The following NAALADL2 variants were observed in gnomAD, a reference collection of about 807,000 sequenced individuals.
The protein encoded by NAALADL2 is N-acetylated alpha-linked acidic dipeptidase like 2, also known as inactive N-acetylated-alpha-linked acidic dipeptidase-like protein 2.
Under a neutral mutation model 87.2 loss-of-function variants are expected in NAALADL2, and 76 were observed. The ratio of observed to expected loss-of-function variants is 0.87; its 90% CI spans 0.72 to 1.05. NAALADL2 has a LOEUF of 1.05. Ranked by LOEUF, NAALADL2 falls within the 50% of genes least tolerant of loss-of-function variation. The pLI, the probability that NAALADL2 is intolerant of heterozygous loss-of-function variation, is 0.00. For missense variants in NAALADL2, 1,089 were observed against 945.8 expected (o/e 1.15, Z -1.99); for synonymous variants, 354 against 331.0 (o/e 1.07, Z -0.75).
intron 11 of NAALADL2, among the ~76,000 whole-genome samples, chr3:175,725,349 C>G (rs557269916): frequency 8.3e-4 from 126 of 152,122 alleles, no homozygotes; most frequent in African/African-American, 2.8e-3. Context: ...TTTGTCACAC[C>G]ACAGCCATGA....
chr3:175,767,339 C>T (rs994024428), intron 13 of NAALADL2, among the ~76,000 whole-genome samples: 1 of 152,082 alleles, frequency 6.6e-6, no homozygotes, highest in Non-Finnish European at 1.5e-5. Context: ...AAATTTAATA[C>T]ATGATTTAAT....
At chr3:175,241,137 C>T (rs1400325748) in intron 3 of NAALADL2, among the ~76,000 whole-genome samples, 1 of 152,024 alleles carries the variant, frequency 6.6e-6, no homozygotes, top group Non-Finnish European at 1.5e-5. Context: ...CCAGTGTGAC[C>T]TTCTGTTTCT....
At chr3:175,174,321 A>G (rs1295231397) in intron 2 of NAALADL2, among the ~76,000 whole-genome samples, 1 of 152,144 alleles carries the variant, frequency 6.6e-6, no homozygotes, top group Non-Finnish European at 1.5e-5. Flanking sequence ...TTTATATGCC[A>G]AAATTGTTGT....
At chr3:174,806,926 G>A in intron 3 of NAALADL2, among the ~76,000 whole-genome samples, 1 of 152,050 alleles carries the variant, frequency 6.6e-6, no homozygotes, top group Admixed American at 6.6e-5. Flanking sequence ...AAACAAGGCA[G>A]GAGAAACATC....
intron 5 of NAALADL2, among the ~76,000 whole-genome samples, chr3:175,376,262 A>C (rs1003755667): frequency 6.6e-5 from 10 of 152,188 alleles, no homozygotes; most frequent in Non-Finnish European, 1.0e-4. Context: ...ACCCTAAAGA[A>C]CTTATTTTAA....
At chr3:175,002,416 A>G (rs1748378694) in intron 1 of NAALADL2, among the ~76,000 whole-genome samples, 1 of 152,160 alleles carries the variant, frequency 6.6e-6, no homozygotes. Flanking sequence ...TGATGAAGAG[A>G]AGTTAATGAA....
At chr3:175,088,157 T>C (rs1719413258) in intron 1 of NAALADL2, among the ~76,000 whole-genome samples, 1 of 152,216 alleles carries the variant, frequency 6.6e-6, no homozygotes. Context: ...GGTAGTATTT[T>C]GGGTTAAATT....
rs923514215 is a variant in NAALADL2 at position 174,774,860 on chromosome 3, C to T, written c.-9+37114C>T. ...AGCCTTGGCTTTTCACTTTGCCCAA[C>T]CTCAGGTTAAAACCTTATGATTACA... On this transcript the variant is annotated intron_variant, in intron 3 of 3. Transcript: ENST00000434257. 2.6e-5 allele frequency among the ~76,000 whole-genome samples: 4 copies of T among 152,138 alleles called. No homozygotes were observed. In the East Asian group the frequency reaches 7.7e-4, roughly 29 times the overall value.
At chr3:175,800,711 T>C (rs910942424) in intron 13 of NAALADL2, among the ~76,000 whole-genome samples, 2 of 152,126 alleles carry the variant, frequency 1.3e-5, no homozygotes, top group Admixed American at 1.3e-4. Context: ...TTCCCAGCAC[T>C]GAACTAAGCC....
At chr3:174,642,185 AATT>A (rs1001117464) in intron 2 of NAALADL2, among the ~76,000 whole-genome samples, 2 of 152,036 alleles carry the variant, frequency 1.3e-5, no homozygotes, top group Admixed American at 1.3e-4. Flanking sequence ...TTTTCAATAA[AATT>A]AATTATTGTA....
intron 5 of NAALADL2, among the ~76,000 whole-genome samples, chr3:175,358,372 G>A (rs540957059): frequency 6.6e-6 from 1 of 151,934 alleles, no homozygotes; most frequent in East Asian, 1.9e-4. Context: ...AATGATTACT[G>A]CCTTAGGAGT....
At chr3:174,630,519 A>G (rs1722006725) in intron 2 of NAALADL2, among the ~76,000 whole-genome samples, 1 of 152,216 alleles carries the variant, frequency 6.6e-6, no homozygotes, top group African/African-American at 2.4e-5. Flanking sequence ...GTGGAATAAA[A>G]TGTTCAAACA....
chr3:174,557,022 A>G (rs1712910556), intron 2 of NAALADL2, among the ~76,000 whole-genome samples: 1 of 152,200 alleles, frequency 6.6e-6, no homozygotes, highest in Non-Finnish European at 1.5e-5. Context: ...CTGGGATTAC[A>G]GGCTTGAGCC....
intron 1 of NAALADL2, among the ~76,000 whole-genome samples, chr3:174,891,272 AATC>A (rs1730839218): frequency 6.6e-6 from 1 of 152,122 alleles, no homozygotes; most frequent in South Asian, 2.1e-4. Flanking sequence ...AAGCTCCACC[AATC>A]ATCATCCCTT....
chr3:174,568,933 C>A lies in NAALADL2; in HGVS notation c.-115+18296C>A, dbSNP rs191269240. On this transcript the variant is annotated intron_variant, in intron 2 of 3. Coordinates refer to the NAALADL2 transcript ENST00000434257. ...AATACAGAATATTCTTTAAATTATA[C>A]CATTATACCACGTTTCCAGGTTCCT... Among the ~76,000 whole-genome samples, 6 of 150,956 alleles carry A rather than the reference C, an allele frequency of 4.0e-5. No individual in the cohort carries two copies. In the East Asian group the frequency reaches 9.7e-4, roughly 24 times the overall value.
chr3:174,616,545 T>C (rs1483840329), intron 2 of NAALADL2, among the ~76,000 whole-genome samples: 1 of 151,990 alleles, frequency 6.6e-6, no homozygotes, highest in Non-Finnish European at 1.5e-5. Context: ...CTAAGAAATG[T>C]ATGTATATTC....
intron 1 of NAALADL2, among the ~76,000 whole-genome samples, chr3:174,518,500 A>C (rs1041058308): frequency 6.6e-6 from 1 of 152,134 alleles, no homozygotes; most frequent in Non-Finnish European, 1.5e-5. Context: ...CCATTATCAC[A>C]TTTGAGATAG....
chr3:175,075,648 A>G lies in NAALADL2; in HGVS notation c.44-21142A>G, dbSNP rs576438563. Among the ~76,000 whole-genome samples the G allele has an allele frequency of 2.6e-5, 4 of 152,278 alleles. No individual in the cohort carries two copies. The South Asian group carries it at 8.3e-4, about 32-fold the overall frequency. Reference sequence around the variant, plus strand: ...AGATATCAATGGAGGGTTTTCAACAACAAACAAGACTCCTCATTCTTCCTA... The same window carrying G: ...AGATATCAATGGAGGGTTTTCAACAGCAAACAAGACTCCTCATTCTTCCTA... On this transcript the variant is annotated intron_variant, in intron 1 of 13. Coordinates refer to ENST00000454872, the MANE Select transcript of NAALADL2 (RefSeq NM_207015.3).
intron 1 of NAALADL2, among the ~76,000 whole-genome samples, chr3:174,959,393 C>T (rs1020644890): frequency 6.6e-6 from 1 of 151,922 alleles, no homozygotes; most frequent in Non-Finnish European, 1.5e-5. Flanking sequence ...ATACTTTGTG[C>T]CATTGTGCTG....
Sources: gnomAD v4.1 joint callset for allele counts (sites outside exome capture counted in the v4.1 genomes callset) on GRCh38, gnomAD v4.1.1 for gene constraint, MANE v1.5 for transcripts, NCBI Gene and HGNC (gene_info 2026-07-23, HGNC 2026-07-21) for gene names.